GABRA4: variants seen among roughly 807,000 people sequenced by gnomAD.
GABRA4 encodes gamma-aminobutyric acid type A receptor subunit alpha4.
GABRA4 carries 12 observed loss-of-function variants against 49.7 expected under a neutral mutation model. The observed-to-expected ratio is 0.24, with a 90% confidence interval of 0.15 to 0.39. The LOEUF (loss-of-function observed/expected upper bound fraction) is 0.39. Ranked by LOEUF, GABRA4 falls within the 10% of genes least tolerant of loss-of-function variation. The probability of loss-of-function intolerance (pLI) is 1.00; values close to 1 mark genes in which losing one functional copy is unlikely to be tolerated. For missense variants in GABRA4, 506 were observed against 686.0 expected, an observed-to-expected ratio of 0.74 and a Z score of 2.93; for synonymous variants, 288 against 240.2, an observed-to-expected ratio of 1.20 and a Z score of -1.84.
intron 8 of GABRA4, among the ~76,000 whole-genome samples, chr4:46,953,299 G>A (rs1189807975): frequency 7.2e-5 from 11 of 151,978 alleles, no homozygotes; most frequent in Admixed American, 7.2e-4. Context: ...CTTCTTTGTA[G>A]TGTCCCTTGG....
At chr4:46,961,488 G>A (rs533894109) in intron 8 of GABRA4, among the ~76,000 whole-genome samples, 5 of 151,826 alleles carry the variant, frequency 3.3e-5, no homozygotes, top group Non-Finnish European at 7.4e-5. Context: ...GTAAATGTAA[G>A]CTCCACCTGG....
chr4:46,971,867 C>T (rs1003549702), intron 6 of GABRA4, among the ~76,000 whole-genome samples: 3 of 151,236 alleles, frequency 2.0e-5, no homozygotes, highest in Non-Finnish European at 4.4e-5. Flanking sequence ...ATATATAACA[C>T]CCCTGAGTTC....
intron 2 of GABRA4, among the ~76,000 whole-genome samples, chr4:46,980,458 A>G (rs1038576103): frequency 3.3e-5 from 5 of 151,840 alleles, no homozygotes; most frequent in Non-Finnish European, 7.4e-5. Context: ...GAATCTGAAT[A>G]TTTCTTCTTC....
chr4:46,955,709 T>C (rs1178991654), intron 8 of GABRA4, among the ~76,000 whole-genome samples: 1 of 152,068 alleles, frequency 6.6e-6, no homozygotes, highest in East Asian at 1.9e-4. Flanking sequence ...TCCCAGTATG[T>C]AACTGAATAT....
rs150617819 is a variant in GABRA4 at position 46,978,514 on chromosome 4, C to G, written c.273+517G>C. Among the ~76,000 whole-genome samples, 563 of 150,686 alleles carry G rather than the reference C, an allele frequency of 3.7e-3. 2 individuals are homozygous for G. Among genetic ancestry groups the G allele is most frequent in the African/African-American group, 0.013 (546 of 41,136 alleles). ...ACCAGCCTGACCAACATGGAGACAC[C>G]CTATCTCTACTAGAAACACAAAATT... On this transcript the variant is annotated intron_variant, in intron 3 of 8. Coordinates refer to ENST00000264318, the MANE Select transcript of GABRA4 (RefSeq NM_000809.4).
Position 46,922,901 on chromosome 4 carries a change from G to A in GABRA4, c.*5324C>T, listed in dbSNP as rs1439632269. 6.6e-6 allele frequency: 1 copy of A among 152,140 alleles called. No individual in the cohort carries two copies. Among genetic ancestry groups the A allele is most frequent in the Non-Finnish European group, 1.5e-5 (1 of 68,048 alleles). The allele number at this position is 152,140 out of a possible 1,614,324, so 9.4% of individuals were successfully genotyped here. A position where few individuals can be genotyped will look rare whatever the true frequency, so the allele number is the denominator to read the frequency against. ...ACTGACCAGTACTTATCCATGACCT[G>A]TTAGGAATTGGGCAGCACAACAGGA... On this transcript the variant is annotated 3_prime_UTR_variant, in exon 9 of 9. Transcript: ENST00000264318.
At chr4:46,971,692 TAATA>T (rs1012549785) in intron 6 of GABRA4, among the ~76,000 whole-genome samples, 4 of 150,710 alleles carry the variant, frequency 2.7e-5, no homozygotes, top group Non-Finnish European at 5.9e-5. Flanking sequence ...TTTTAGAAAG[TAATA>T]AATATACATA....
At position 46,927,193 on chromosome 4, in the gene GABRA4, T is replaced by C. The variant is rs1721259740; in HGVS notation, c.*1032A>G. On this transcript the variant is annotated 3_prime_UTR_variant, in exon 9 of 9. Transcript: ENST00000264318. Reference sequence around the variant, plus strand: ...CTGATTTTTACTTTCAAGTACATAATGCTTTTCACTTATAGAACAATCTGT... The same window carrying C: ...CTGATTTTTACTTTCAAGTACATAACGCTTTTCACTTATAGAACAATCTGT... 6.6e-6 allele frequency: 1 copy of C among 152,414 alleles called. No individual in the cohort carries two copies. The highest frequency in any genetic ancestry group is 1.5e-5 in the Non-Finnish European group (1 of 67,952). The allele number at this position is 152,414 out of a possible 1,614,324, so 9.4% of individuals were successfully genotyped here. A position where few individuals can be genotyped will look rare whatever the true frequency, so the allele number is the denominator to read the frequency against.
rs1425386382 is a variant in GABRA4, at chr4:46,923,134, T to C, written c.*5091A>G. 6.6e-6 allele frequency: 1 copy of C among 151,996 alleles called. No homozygotes were observed. Among genetic ancestry groups the C allele is most frequent in the Non-Finnish European group, 1.5e-5 (1 of 67,996 alleles). 9.4% of individuals were successfully genotyped at this position (151,996 alleles called of 1,614,324 possible). A position where few individuals can be genotyped will look rare whatever the true frequency, so the allele number is the denominator to read the frequency against. On this transcript the variant is annotated 3_prime_UTR_variant, in exon 9 of 9. Coordinates refer to ENST00000264318, the MANE Select transcript of GABRA4 (RefSeq NM_000809.4). ...TGTTGCCAAAACAGTTGGGGACTAT[T>C]GTATAGAGACAAAAGGGATTTGACA...
intron 4 of GABRA4, 76 bp downstream of exon 4, chr4:46,977,334 A>AGGGAGGAAGGGAGGGAGGG: frequency 2.5e-6 from 2 of 796,584 alleles, no homozygotes; most frequent in East Asian, 3.0e-5. Flanking sequence ...GGGAGGAAGG[A>AGGGAGGAAGGGAGGGAGGG]AGGAAGGAAG....
chr4:46,930,086 G>A (rs1282384983), intron 8 of GABRA4, among the ~76,000 whole-genome samples: 1 of 152,066 alleles, frequency 6.6e-6, no homozygotes, highest in Non-Finnish European at 1.5e-5. Context: ...TCGCTGAGTA[G>A]AGAAGGAAAA....
intron 8 of GABRA4, among the ~76,000 whole-genome samples, chr4:46,942,996 A>C (rs1339972160): frequency 1.3e-5 from 2 of 152,144 alleles, no homozygotes; most frequent in East Asian, 1.9e-4. Flanking sequence ...CCAAACTTTT[A>C]ATTTATTTAT....
chr4:46,971,221 T>G lies in GABRA4; in HGVS notation c.736A>C (p.Met246Leu), dbSNP rs1300541486. The change falls in exon 7 of 9, where the codon ATG (methionine) becomes CTG (leucine). Residue 246 changes from methionine (M) to leucine (L), a missense_variant. Coordinates refer to ENST00000264318, the MANE Select transcript of GABRA4 (RefSeq NM_000809.4). ...IKSITGEYIVMTVYFHLRRKM... is the reference protein window; with the variant it reads ...IKSITGEYIVLTVYFHLRRKM... ...CGTCTGAGGTGGAAGTAAACCGTCA[T>G]AACAATATATTCACCTGCCAAGAAA... 1.2e-6 allele frequency: 2 copies of G among 1,609,306 alleles called. No homozygotes were observed. The highest frequency in any genetic ancestry group is 4.5e-5 in the East Asian group (2 of 44,708).
rs763668374 is a variant in GABRA4 at position 46,977,395 on chromosome 4, A to T, written c.494+15T>A. On this transcript the variant is annotated intron_variant, in intron 4 of 8. Coordinates refer to ENST00000264318, the MANE Select transcript of GABRA4 (RefSeq NM_000809.4). ...AGAATAAAAAAGGAAGGGAAGAAGTAAAAAAAAATATTACCTCATTGTGTA... is the reference window on the plus strand; with the variant it reads ...AGAATAAAAAAGGAAGGGAAGAAGTTAAAAAAAATATTACCTCATTGTGTA... The T allele has an allele frequency of 1.6e-6, 2 of 1,247,800 alleles. No individual in the cohort carries two copies. Among genetic ancestry groups the T allele is most frequent in the South Asian group, 2.8e-5 (2 of 70,248 alleles). The allele number at this position is 1,247,800 out of a possible 1,614,324, so 77.3% of individuals were successfully genotyped here.
In GABRA4 at chr4:46,928,672, C is replaced by T. The variant is rs764131834; in HGVS notation, c.1218G>A (p.Val406=). 6.2e-7 allele frequency: 1 copy of T among 1,613,450 alleles called. No individual in the cohort carries two copies. The highest frequency in any genetic ancestry group is 8.5e-7 in the Non-Finnish European group (1 of 1,179,618). ...SESDVGNRTE[V]GNHSSKSSTV... Reference sequence around the variant, plus strand: ...TGGAAGATTTGCTTGAATGGTTTCCCACCTCAGTTCTGTTGCCAACATCAG... The same window carrying T: ...TGGAAGATTTGCTTGAATGGTTTCCTACCTCAGTTCTGTTGCCAACATCAG... Residue 406 remains valine (V), a synonymous_variant, in exon 9 of 9, where the codon GTG becomes GTA. Coordinates refer to ENST00000264318, the MANE Select transcript of GABRA4 (RefSeq NM_000809.4).
In GABRA4 at chr4:46,977,122, A is replaced by G; in HGVS notation, c.516T>C (p.Cys172=). The G allele has an allele frequency of 1.2e-6, 2 of 1,607,670 alleles. No individual in the cohort carries two copies. The highest frequency in any genetic ancestry group is 1.7e-6 in the Non-Finnish European group (2 of 1,175,634). Residue 172 remains cysteine, a synonymous_variant, in exon 5 of 9, where the codon TGT becomes TGC. Coordinates refer to ENST00000264318, the MANE Select transcript of GABRA4 (RefSeq NM_000809.4). ...YTMRLTISAE[C]PMRLVDFPMD... is the part of the protein sequence containing the mutation. The stretch of plus-strand genomic sequence containing the variant: ...TGGGAAAATCCACCAATCTCATGGG[A>G]CACTCCGCACTTATGGTGAGTCTAT...
chr4:46,964,538 C>T (rs1722684352), intron 8 of GABRA4, among the ~76,000 whole-genome samples: 2 of 151,704 alleles, frequency 1.3e-5, no homozygotes, highest in Admixed American at 1.3e-4. Flanking sequence ...TAAATATATG[C>T]ATCTATTATG....
At chr4:46,951,882 T>TTAGAAAGTACTGACTGTAC (rs1722186982) in intron 8 of GABRA4, among the ~76,000 whole-genome samples, 1 of 151,732 alleles carries the variant, frequency 6.6e-6, no homozygotes. Flanking sequence ...TTAGAAAAAC[T>TTAGAAAGTACTGACTGTAC]TTTCAGGGAG....
chr4:46,975,065 T>C (rs1355540803), intron 5 of GABRA4, among the ~76,000 whole-genome samples: 1 of 151,984 alleles, frequency 6.6e-6, no homozygotes, highest in African/African-American at 2.4e-5. Context: ...TTTAAGCCCA[T>C]TTTCTATTAT....
Sources: gnomAD v4.1 joint callset for allele counts (sites outside exome capture counted in the v4.1 genomes callset) on GRCh38, gnomAD v4.1.1 for gene constraint, MANE v1.5 for transcripts, NCBI Gene and HGNC (gene_info 2026-07-23, HGNC 2026-07-21) for gene names.